The following ZDHHC14 variants were observed in gnomAD, a reference collection of about 807,000 sequenced individuals.
ZDHHC14 encodes zDHHC palmitoyltransferase 14.
Under a neutral mutation model 47.7 loss-of-function variants are expected in ZDHHC14, and 16 were observed. The observed-to-expected ratio is 0.34, with a 90% CI of 0.23 to 0.51. The LOEUF is 0.51. ZDHHC14 is among the 20% of genes least tolerant of loss of function. The probability of loss-of-function intolerance (pLI) is 0.97; values close to 1 mark genes in which losing one functional copy is unlikely to be tolerated. For missense variants in ZDHHC14, 515 were observed against 662.5 expected, an observed-to-expected ratio of 0.78 and a Z score of 2.44; for synonymous variants, 293 against 278.9, an observed-to-expected ratio of 1.05 and a Z score of -0.50.
intron 1 of ZDHHC14, among the ~76,000 whole-genome samples, chr6:157,418,372 T>A (rs1056068776): frequency 6.6e-6 from 1 of 152,214 alleles, no homozygotes; most frequent in Non-Finnish European, 1.5e-5. Flanking sequence ...TGGAACCAAT[T>A]TATACTCCTA....
intron 1 of ZDHHC14, among the ~76,000 whole-genome samples, chr6:157,473,878 T>C (rs1280578030): frequency 6.6e-6 from 1 of 152,050 alleles, no homozygotes; most frequent in East Asian, 1.9e-4. Flanking sequence ...CCAAGATGCC[T>C]CATTATCTAT....
At chr6:157,516,931 G>A (rs1780713684) in intron 1 of ZDHHC14, among the ~76,000 whole-genome samples, 1 of 152,218 alleles carries the variant, frequency 6.6e-6, no homozygotes, top group Non-Finnish European at 1.5e-5. Flanking sequence ...TGCCTTGGGA[G>A]GGCACAGATT....
intron 1 of ZDHHC14, among the ~76,000 whole-genome samples, chr6:157,404,359 C>T (rs893007094): frequency 2.6e-5 from 4 of 152,072 alleles, no homozygotes; most frequent in Admixed American, 6.6e-5. Context: ...GGTCTCGAAC[C>T]CCTGACTTCA....
At chr6:157,519,136 G>GA (rs200628767) in intron 1 of ZDHHC14, among the ~76,000 whole-genome samples, 2,542 of 152,320 alleles carry the variant, frequency 0.017, 82 homozygotes, top group African/African-American at 0.058. Context: ...AGTTGTTCAG[G>GA]TTTTTCCTGA....
chr6:157,587,655 G>A (rs539227349), intron 2 of ZDHHC14, among the ~76,000 whole-genome samples: 1 of 152,268 alleles, frequency 6.6e-6, no homozygotes, highest in African/African-American at 2.4e-5. Context: ...GCCCCGCCCT[G>A]CCCTCCACAC....
At chr6:157,653,961 C>T (rs1213731739) in intron 8 of ZDHHC14, among the ~76,000 whole-genome samples, 1 of 152,166 alleles carries the variant, frequency 6.6e-6, no homozygotes, top group Non-Finnish European at 1.5e-5. Flanking sequence ...CAGGGCTGGG[C>T]TCATGATCTT....
intron 2 of ZDHHC14, among the ~76,000 whole-genome samples, chr6:157,561,848 G>A (rs2365606): frequency 0.25 from 37,987 of 152,026 alleles, 4,919 homozygotes; most frequent in East Asian, 0.37. Context: ...TTGTAGATAA[G>A]TGGGGTTTTC....
At chr6:157,408,433 A>G (rs571065422) in intron 1 of ZDHHC14, among the ~76,000 whole-genome samples, 1 of 152,152 alleles carries the variant, frequency 6.6e-6, no homozygotes, top group African/African-American at 2.4e-5. Context: ...TTCATTAGCT[A>G]TTCTTCCTGA....
chr6:157,417,356 A>G (rs1778003942), intron 1 of ZDHHC14, among the ~76,000 whole-genome samples: 1 of 152,182 alleles, frequency 6.6e-6, no homozygotes. Flanking sequence ...AGATCCTACT[A>G]CATATACTGT....
intron 1 of ZDHHC14, among the ~76,000 whole-genome samples, chr6:157,475,156 G>A (rs1433322750): frequency 6.6e-6 from 1 of 151,878 alleles, no homozygotes; most frequent in Non-Finnish European, 1.5e-5. Flanking sequence ...TTTCCTTTGC[G>A]TGTTTTAGGA....
intron 1 of ZDHHC14, among the ~76,000 whole-genome samples, chr6:157,442,704 G>T (rs1442916163): frequency 1.3e-5 from 2 of 152,232 alleles, no homozygotes; most frequent in African/African-American, 4.8e-5. Flanking sequence ...CCCTGCCAAA[G>T]GTGGCCCAAG....
At chr6:157,526,484 C>T (rs749539433) in intron 1 of ZDHHC14, among the ~76,000 whole-genome samples, 2 of 152,194 alleles carry the variant, frequency 1.3e-5, no homozygotes, top group African/African-American at 4.8e-5. Flanking sequence ...CGTTGGTCTA[C>T]TCGGTCTTGA....
At position 157,593,182 on chromosome 6, in the gene ZDHHC14, G is replaced by C. The variant is rs754676379; in HGVS notation, c.565+36G>C. 2.8e-5 allele frequency: 44 copies of C among 1,582,106 alleles called. 1 individual carries two copies. The South Asian group carries it at 4.7e-4, about 17-fold the overall frequency. On this transcript the variant is annotated intron_variant, in intron 3 of 8. Coordinates refer to ENST00000359775, the MANE Select transcript of ZDHHC14 (RefSeq NM_024630.3). ...CCTGGGCGGAGCCTGGCGGGAGCCC[G>C]GGTCCTCCGGGTGGGTTTGCGCCTC...
At chr6:157,442,580 C>G (rs1041638599) in intron 1 of ZDHHC14, among the ~76,000 whole-genome samples, 2 of 152,206 alleles carry the variant, frequency 1.3e-5, no homozygotes, top group African/African-American at 4.8e-5. Context: ...ATATCACTTC[C>G]ATTAACTAAA....
chr6:157,525,759 G>A (rs1781131752), intron 1 of ZDHHC14, among the ~76,000 whole-genome samples: 4 of 152,162 alleles, frequency 2.6e-5, no homozygotes, highest in Admixed American at 2.6e-4. Context: ...GGCATCAGAA[G>A]GCCTGGGAAC....
In ZDHHC14 at chr6:157,428,955, G is replaced by A. The variant is rs1258458611; in HGVS notation, c.245+46689G>A. ...AGTGAGTCACGGTTTTCCACATTCA[G>A]CACCTTTGATTCCTTCCCTTCAAGG... On this transcript the variant is annotated intron_variant, in intron 1 of 8. Coordinates refer to ENST00000359775, the MANE Select transcript of ZDHHC14 (RefSeq NM_024630.3). 3.3e-5 allele frequency among the ~76,000 whole-genome samples: 5 copies of A among 152,206 alleles called. No individual in the cohort carries two copies. The East Asian group carries it at 9.6e-4, about 29-fold the overall frequency.
chr6:157,388,347 A>G (rs1777357997), intron 1 of ZDHHC14, among the ~76,000 whole-genome samples: 1 of 152,180 alleles, frequency 6.6e-6, no homozygotes, highest in South Asian at 2.1e-4. Flanking sequence ...TAAGATAGTG[A>G]TGGTTAATTA....
chr6:157,541,127 T>C (rs1781747360), intron 1 of ZDHHC14, among the ~76,000 whole-genome samples: 1 of 152,118 alleles, frequency 6.6e-6, no homozygotes. Flanking sequence ...GACAATATTT[T>C]TTTGAGCTAT....
chr6:157,548,523 C>T (rs746336411), intron 2 of ZDHHC14, among the ~76,000 whole-genome samples: 25 of 152,092 alleles, frequency 1.6e-4, no homozygotes, highest in Non-Finnish European at 2.6e-4. Flanking sequence ...CTCAGCTCAC[C>T]GCAACCTCTG....
Sources: allele counts gnomAD v4.1 joint callset (sites outside exome capture counted in the v4.1 genomes callset), GRCh38; gene constraint gnomAD v4.1.1; transcripts MANE v1.5; gene names NCBI Gene and HGNC (gene_info 2026-07-23, HGNC 2026-07-21).